NDUFA12: variants seen among roughly 807,000 people sequenced by gnomAD.
The protein encoded by NDUFA12 is NADH dehydrogenase [ubiquinone] 1 alpha subcomplex subunit 12.
A neutral mutation model predicts 20.3 loss-of-function variants in NDUFA12; 17 were observed. The ratio of observed to expected loss-of-function variants is 0.84; its 90% CI spans 0.57 to 1.26. The LOEUF (loss-of-function observed/expected upper bound fraction) is 1.26, where lower values mean the gene tolerates loss of function less well. Among genes scored for constraint, NDUFA12 ranks in the 50% most tolerant of loss-of-function variants. The pLI is 0.00. For missense variants in NDUFA12, 191 were observed against 183.7 expected (o/e 1.04, Z -0.23); for synonymous variants, 72 against 63.6 (o/e 1.13, Z -0.63).
rs537630525 is a variant in NDUFA12 at position 94,990,855 on chromosome 12, A to C, written c.257+3315T>G. Among the ~76,000 whole-genome samples the C allele has an allele frequency of 8.5e-5, 13 of 152,328 alleles. No homozygotes were observed. In the South Asian group the frequency reaches 2.5e-3, roughly 29 times the overall value. On this transcript the variant is annotated intron_variant, in intron 3 of 3. Transcript: ENST00000327772. ...TGAAATCTGGTTATAGCTCAGCAAAAATGTACAGTACAAATATGTTTTGCT... is the reference window on the plus strand; with the variant it reads ...TGAAATCTGGTTATAGCTCAGCAAACATGTACAGTACAAATATGTTTTGCT...
chr12:94,996,324 T>TACACAC (rs71075891), intron 2 of NDUFA12, among the ~76,000 whole-genome samples: 3,996 of 141,186 alleles, frequency 0.028, 92 homozygotes, highest in African/African-American at 0.065. Context: ...CATATATAGG[T>TACACAC]ACACACACAC....
intron 2 of NDUFA12, chr12:94,997,285 T>G (rs750153081): frequency 6.5e-6 from 1 of 152,750 alleles, no homozygotes; most frequent in African/African-American, 2.4e-5. Context: ...CTGAGAAATA[T>G]TCCTAACTAT....
chr12:94,975,265 C>A (rs1382994011), intron 3 of NDUFA12, among the ~76,000 whole-genome samples: 1 of 152,100 alleles, frequency 6.6e-6, no homozygotes, highest in African/African-American at 2.4e-5. Flanking sequence ...AAAGGTTCAT[C>A]TATCATTACA....
At position 95,002,723 on chromosome 12, in the gene NDUFA12, A is replaced by G. The variant is rs761760100; in HGVS notation, c.169+16T>C. On this transcript the variant is annotated intron_variant, in intron 2 of 3. Transcript: ENST00000327772. ...ATCCCAATCCAATTATTCATACTAA[A>G]AAATACTGCACTCACCAAAAAATTG... 3.1e-6 allele frequency: 5 copies of G among 1,596,826 alleles called. No individual in the cohort carries two copies. The South Asian group carries it at 3.3e-5, about 11-fold the overall frequency.
At chr12:94,990,404 T>C (rs1054138018) in intron 3 of NDUFA12, among the ~76,000 whole-genome samples, 8 of 152,150 alleles carry the variant, frequency 5.3e-5, no homozygotes, top group Non-Finnish European at 1.2e-4. Flanking sequence ...TCAGTGCTGC[T>C]TTCTCACGGT....
intron 3 of NDUFA12, among the ~76,000 whole-genome samples, chr12:94,991,249 G>A (rs1167767071): frequency 6.6e-6 from 1 of 152,038 alleles, no homozygotes; most frequent in Non-Finnish European, 1.5e-5. Context: ...TCTCCAGCCT[G>A]GGCAACAGAG....
At chr12:95,001,726 A>AT in intron 2 of NDUFA12, among the ~76,000 whole-genome samples, 1 of 151,760 alleles carries the variant, frequency 6.6e-6, no homozygotes, top group East Asian at 1.9e-4. Flanking sequence ...CTTTTTTGAG[A>AT]TAAGAGTCTC....
intron 3 of NDUFA12, among the ~76,000 whole-genome samples, chr12:94,977,524 C>T (rs996708789): frequency 6.1e-5 from 9 of 148,358 alleles, no homozygotes; most frequent in African/African-American, 1.5e-4. Flanking sequence ...AAAACTGTAA[C>T]AAATGATTCA....
intron 2 of NDUFA12, among the ~76,000 whole-genome samples, chr12:95,000,449 T>G (rs886830982): frequency 6.6e-6 from 1 of 152,214 alleles, no homozygotes; most frequent in Non-Finnish European, 1.5e-5. Flanking sequence ...CCAAAAACTA[T>G]TGAAATAAAA....
intron 3 of NDUFA12, among the ~76,000 whole-genome samples, chr12:94,985,658 G>A (rs1018195929): frequency 1.8e-4 from 27 of 148,900 alleles, no homozygotes; most frequent in African/African-American, 2.5e-5. Flanking sequence ...GCGGTTGGCA[G>A]GGACAAAGTA....
chr12:94,994,174 C>A lies in NDUFA12; in HGVS notation c.253G>T (p.Glu85Ter), dbSNP rs1592704794. ...TAAAATGTTGTCTTAGCTTACCATTCAGGAGGCACCATGCTTCCATCCACA... is the reference window on the plus strand; with the variant it reads ...TAAAATGTTGTCTTAGCTTACCATTAAGGAGGCACCATGCTTCCATCCACA... ...WDVDGSMVPP[E>*]WHRWLHSMTD... is the part of the protein sequence containing the mutation. Residue 85 changes from glutamate (E) to a stop codon, truncating the protein, a stop_gained, in exon 3 of 4, where the codon GAA becomes TAA. Coordinates refer to ENST00000327772, the MANE Select transcript of NDUFA12 (RefSeq NM_018838.5). LOFTEE classifies it high-confidence loss of function. 1 of 1,613,406 alleles carries A rather than the reference C, an allele frequency of 6.2e-7. No individual in the cohort carries two copies. Among genetic ancestry groups the A allele is most frequent in the Middle Eastern group, 1.7e-4 (1 of 6,060 alleles).
chr12:94,977,548 C>T (rs1454557441), intron 3 of NDUFA12, among the ~76,000 whole-genome samples: 1 of 151,182 alleles, frequency 6.6e-6, no homozygotes. Context: ...GGTCAAAGTA[C>T]TAAAAAGGAC....
chr12:94,978,201 G>A (rs1436485543), intron 3 of NDUFA12, among the ~76,000 whole-genome samples: 3 of 152,190 alleles, frequency 2.0e-5, no homozygotes, highest in Non-Finnish European at 4.4e-5. Flanking sequence ...GAGACTTGAT[G>A]TGTCTGATTT....
chr12:94,973,046 C>T (rs1482691210), intron 3 of NDUFA12, among the ~76,000 whole-genome samples: 1 of 152,010 alleles, frequency 6.6e-6, no homozygotes, highest in Non-Finnish European at 1.5e-5. Flanking sequence ...AAGTGATTAT[C>T]TAGCTGCAGA....
At position 94,971,406 on chromosome 12, in the gene NDUFA12, A is replaced by G. The variant is rs772672586; in HGVS notation, c.*34T>C. On this transcript the variant is annotated 3_prime_UTR_variant, in exon 4 of 4. Coordinates refer to ENST00000327772, the MANE Select transcript of NDUFA12 (RefSeq NM_018838.5). ...AAAGAGTAATTACATGAAAAGCTCCATATTTTGCATGTTTCAACTGTTCTT... is the reference window on the plus strand; with the variant it reads ...AAAGAGTAATTACATGAAAAGCTCCGTATTTTGCATGTTTCAACTGTTCTT... 2.5e-6 allele frequency: 4 copies of G among 1,593,632 alleles called. No individual in the cohort carries two copies. The highest frequency in any genetic ancestry group is 2.6e-6 in the Non-Finnish European group (3 of 1,161,432).
intron 3 of NDUFA12, among the ~76,000 whole-genome samples, chr12:94,973,976 T>TTTC (rs1489242534): frequency 6.8e-6 from 1 of 146,914 alleles, no homozygotes; most frequent in East Asian, 2.0e-4. Flanking sequence ...GTCTTTTTTT[T>TTTC]TTTTTTTTTT....
At chr12:94,994,117 C>A in intron 3 of NDUFA12, 53 bp downstream of exon 3, 1 of 1,511,500 alleles carries the variant, frequency 6.6e-7, no homozygotes, top group Non-Finnish European at 9.2e-7. Flanking sequence ...GAGTGAGACC[C>A]TGTCTCAAAA....
intron 2 of NDUFA12, among the ~76,000 whole-genome samples, chr12:94,997,771 C>A (rs1431997525): frequency 6.6e-6 from 1 of 151,418 alleles, no homozygotes; most frequent in Admixed American, 6.6e-5. Flanking sequence ...ATCTGAAATA[C>A]TTGTGGTCCC....
intron 3 of NDUFA12, among the ~76,000 whole-genome samples, chr12:94,984,749 TAA>T (rs1491266560): frequency 8.4e-6 from 1 of 118,562 alleles, no homozygotes; most frequent in Non-Finnish European, 1.7e-5. Flanking sequence ...CATATATATA[TAA>T]TATATATATA....
Sources: allele counts gnomAD v4.1 joint callset (sites outside exome capture counted in the v4.1 genomes callset), GRCh38; gene constraint gnomAD v4.1.1; transcripts MANE v1.5; gene names NCBI Gene and HGNC (gene_info 2026-07-23, HGNC 2026-07-21).